The following BDP1 variants were observed in gnomAD, a reference collection of about 807,000 sequenced individuals.
The protein encoded by BDP1 is transcription factor TFIIIB component B'' homolog.
In BDP1, 169 loss-of-function variants were observed where a neutral mutation model predicts 266.6. The observed-to-expected ratio is 0.63, with a 90% confidence interval of 0.56 to 0.72. The LOEUF is 0.72. Among genes scored for constraint, BDP1 ranks in the 30% least tolerant of loss-of-function variants. The pLI is 0.00. For synonymous variants in BDP1, 1,090 were observed against 1,022.4 expected (o/e 1.07, Z -1.26); for missense variants, 3,015 against 3,053.8 (o/e 0.99, Z 0.30).
chr5:71,546,479 G>A (rs769469774), intron 32 of BDP1, among the ~76,000 whole-genome samples: 4 of 151,712 alleles, frequency 2.6e-5, no homozygotes, highest in Non-Finnish European at 5.9e-5. Flanking sequence ...TTAGCCAGTC[G>A]TGGTGGCATG....
At position 71,515,112 on chromosome 5, in the gene BDP1, G is replaced by T. The variant is rs1765153273; in HGVS notation, c.4639G>T (p.Val1547Phe). Residue 1547 changes from valine (V) to phenylalanine (F), a missense_variant, in exon 20 of 39, where the codon GTT becomes TTT. By Grantham distance (50) the Val-to-Phe change is conservative. Coordinates refer to ENST00000358731, the MANE Select transcript of BDP1 (RefSeq NM_018429.3). ...SAPVQKNDSVVSVGTNNVNTF... is the reference protein window; with the variant it reads ...SAPVQKNDSVFSVGTNNVNTF... The stretch of plus-strand genomic sequence containing the variant: ...ACCAGTCCAGAAAAATGACTCAGTT[G>T]TTTCTGTGGGGTAAACAGTGATTTT... The T allele has an allele frequency of 6.3e-7, 1 of 1,592,804 alleles. No individual in the cohort carries two copies. Among genetic ancestry groups the T allele is most frequent in the Admixed American group, 1.8e-5 (1 of 54,312 alleles).
rs377550037 is a variant in BDP1 at position 71,522,518 on chromosome 5, A to T, written c.5193+28A>T. 7.2e-3 allele frequency: 9,847 copies of T among 1,360,220 alleles called. 43 individuals are homozygous for T. Among genetic ancestry groups the T allele is most frequent in the Middle Eastern group, 0.017 (83 of 4,930 alleles). 84.3% of individuals were successfully genotyped at this position (1,360,220 alleles called of 1,614,324 possible). On this transcript the variant is annotated intron_variant, in intron 23 of 38. Transcript: ENST00000358731. ...AAGTTTGGGCAAAAAAAAAAAAAAA[A>T]TTTTTTTTCTCAATGAGGTCTGTTT...
At chr5:71,532,247 G>T in intron 25 of BDP1, 61 bp from the exon 26 acceptor site, 2 of 1,470,918 alleles carry the variant, frequency 1.4e-6, no homozygotes, top group Non-Finnish European at 9.4e-7. Flanking sequence ...TGTTGAAGAT[G>T]AGGCTTTGTT....
chr5:71,495,471 A>G (rs1390491221), intron 12 of BDP1, 63 bp downstream of exon 12: 3 of 1,140,872 alleles, frequency 2.6e-6, no homozygotes, highest in Middle Eastern at 2.2e-4. Context: ...AATGATAATA[A>G]TGTTGCTTCA....
the BDP1 span, among the ~76,000 whole-genome samples, chr5:71,573,501 TA>T: frequency 6.6e-6 from 1 of 152,178 alleles, no homozygotes; most frequent in African/African-American, 2.4e-5. Context: ...TTGAAGGAAT[TA>T]AAAGTGAGTG....
chr5:71,548,846 A>T (rs1742525898), intron 33 of BDP1, 101 bp downstream of exon 33: 4 of 842,742 alleles, frequency 4.7e-6, no homozygotes, highest in Non-Finnish European at 7.7e-6. Context: ...ATTTTAGTCT[A>T]TGCTGGCCTT....
intron 38 of BDP1, among the ~76,000 whole-genome samples, chr5:71,564,340 A>G (rs1233879612): frequency 1.5e-5 from 2 of 137,198 alleles, no homozygotes. Context: ...TTATGCAAAT[A>G]ATTAAAGTAT....
intron 19 of BDP1, among the ~76,000 whole-genome samples, chr5:71,513,716 A>AT (rs1051992220): frequency 6.6e-6 from 1 of 151,638 alleles, no homozygotes; most frequent in Non-Finnish European, 1.5e-5. Flanking sequence ...ATAGTTTTTT[A>AT]TTTTTTTTAT....
chr5:71,509,635 G>T lies in BDP1; in HGVS notation c.2543G>T (p.Arg848Ile). 1 of 1,613,364 alleles carries T rather than the reference G, an allele frequency of 6.2e-7. No individual in the cohort carries two copies. The highest frequency in any genetic ancestry group is 8.5e-7 in the Non-Finnish European group (1 of 1,179,856). Residue 848 changes from arginine (R) to isoleucine (I), a missense_variant, in exon 17 of 39, where the codon AGA becomes ATA. Coordinates refer to ENST00000358731, the MANE Select transcript of BDP1 (RefSeq NM_018429.3). ...TCTGGGGAAATGGCGGCAGCATTGAGAGAAACTGTAAGACTAGACACCTCA... is the reference window on the plus strand; with the variant it reads ...TCTGGGGAAATGGCGGCAGCATTGATAGAAACTGTAAGACTAGACACCTCA... ...LVSGEMAAALRETVRLDTSPK... is the reference protein window; with the variant it reads ...LVSGEMAAALIETVRLDTSPK...
intron 32 of BDP1, among the ~76,000 whole-genome samples, chr5:71,545,853 A>AT (rs1303223478): frequency 4.7e-5 from 7 of 150,368 alleles, no homozygotes; most frequent in African/African-American, 1.7e-4. Flanking sequence ...AAAAAAAAAA[A>AT]GCCAGGCATG....
intron 22 of BDP1, among the ~76,000 whole-genome samples, chr5:71,518,659 G>T (rs142889048): frequency 0.025 from 3,731 of 152,002 alleles, 71 homozygotes; most frequent in South Asian, 0.073. Context: ...TCACCATGTT[G>T]CCCAGGCTGG....
intron 16 of BDP1, among the ~76,000 whole-genome samples, chr5:71,506,896 C>T (rs1764619186): frequency 6.6e-6 from 1 of 151,760 alleles, no homozygotes; most frequent in African/African-American, 2.4e-5. Context: ...TCATGGCTTA[C>T]TGCAGCATTC....
Position 71,523,768 on chromosome 5 carries a change from A to C in BDP1, c.5388-171A>C, listed in dbSNP as rs547834312. 2.0e-5 allele frequency among the ~76,000 whole-genome samples: 3 copies of C among 152,352 alleles called. No homozygotes were observed. In the South Asian group the frequency reaches 6.2e-4, roughly 32 times the overall value. ...AACTAAGAATTAACTCTGAGTGAGA[A>C]ACTAGTAGTTAATTCCTTTTTTATT... is the stretch of plus-strand genomic sequence containing the variant. On this transcript the variant is annotated intron_variant, in intron 24 of 38. Transcript: ENST00000358731.
rs140368548 is a variant in BDP1, at chr5:71,520,379, C to T, written c.4992-1910C>T. ...TTTTAGGTTCCCTTAGCCATTTTTTCAGTTTTTAAAACTGGATATTTTATT... is the reference window on the plus strand; with the variant it reads ...TTTTAGGTTCCCTTAGCCATTTTTTTAGTTTTTAAAACTGGATATTTTATT... On this transcript the variant is annotated intron_variant, in intron 22 of 38. Transcript: ENST00000358731. Among the ~76,000 whole-genome samples, 1,029 of 152,098 alleles carry T rather than the reference C, an allele frequency of 6.8e-3. 15 individuals carry two copies. The highest frequency in any genetic ancestry group is 0.024 in the African/African-American group (983 of 41,488).
chr5:71,482,633 A>G (rs7726336), intron 7 of BDP1, among the ~76,000 whole-genome samples: 67,625 of 152,020 alleles, frequency 0.44, 15,425 homozygotes, highest in South Asian at 0.55. Context: ...ATTGTTCTGA[A>G]TTATATTACC....
chr5:71,470,351 G>C, intron 6 of BDP1, 44 bp from the exon 7 acceptor site: 12 of 1,324,000 alleles, frequency 9.1e-6, no homozygotes, highest in Non-Finnish European at 1.3e-5. Flanking sequence ...CTGAAATATT[G>C]ATATAATTAA....
chr5:71,456,112 A>T (rs1368563341), intron 1 of BDP1, 23 bp downstream of exon 1: 3 of 1,594,804 alleles, frequency 1.9e-6, no homozygotes, highest in Non-Finnish European at 1.7e-6. Context: ...AGAGGGAAGA[A>T]TTTTCATTTG....
At chr5:71,553,019 A>G in intron 34 of BDP1, 97 bp from the exon 35 acceptor site, 1 of 1,043,064 alleles carries the variant, frequency 9.6e-7, no homozygotes, top group Non-Finnish European at 1.4e-6. Flanking sequence ...CTCAGCCTTT[A>G]ACTTTATTAT....
intron 9 of BDP1, 40 bp from the exon 10 acceptor site, chr5:71,489,364 A>T: frequency 6.7e-7 from 1 of 1,483,652 alleles, no homozygotes; most frequent in South Asian, 1.3e-5. Context: ...ATTTTTCTTT[A>T]GGTTGTTTAA....
Sources: gnomAD v4.1 joint callset for allele counts (sites outside exome capture counted in the v4.1 genomes callset) on GRCh38, gnomAD v4.1.1 for gene constraint, MANE v1.5 for transcripts, NCBI Gene and HGNC (gene_info 2026-07-23, HGNC 2026-07-21) for gene names.